The following PKIG variants were observed in gnomAD, a reference collection of about 807,000 sequenced individuals.
The protein encoded by PKIG is protein kinase (cAMP-dependent, catalytic) inhibitor gamma.
A neutral mutation model predicts 6.8 loss-of-function variants in PKIG; 1 was observed. The observed-to-expected ratio is 0.15, with a 90% confidence interval of 0.05 to 0.69. The LOEUF (loss-of-function observed/expected upper bound fraction) is 0.69, where lower values mean the gene tolerates loss of function less well. PKIG is among the 30% of genes least tolerant of loss of function. The probability of loss-of-function intolerance (pLI) is 0.82; values close to 1 mark genes in which losing one functional copy is unlikely to be tolerated. For missense variants in PKIG, 77 were observed against 104.0 expected, an observed-to-expected ratio of 0.74 and a Z score of 1.13; for synonymous variants, 39 against 43.0, an observed-to-expected ratio of 0.91 and a Z score of 0.36.
intron 2 of PKIG, among the ~76,000 whole-genome samples, chr20:44,594,650 A>G (rs2065060653): frequency 6.6e-6 from 1 of 152,176 alleles, no homozygotes; most frequent in Middle Eastern, 3.2e-3. Flanking sequence ...GCTTAAGCTT[A>G]CTTGCCTCCC....
At chr20:44,541,124 C>T (rs1231995402) in intron 1 of PKIG, among the ~76,000 whole-genome samples, 3 of 152,152 alleles carry the variant, frequency 2.0e-5, no homozygotes, top group East Asian at 1.9e-4. Flanking sequence ...GCAAGAGTAG[C>T]CCTCATTTTA....
At chr20:44,589,425 A>C (rs1459367294) in intron 1 of PKIG, among the ~76,000 whole-genome samples, 1 of 151,994 alleles carries the variant, frequency 6.6e-6, no homozygotes, top group Admixed American at 6.6e-5. Context: ...ACAATCAAGC[A>C]TGTACTTTTT....
intron 1 of PKIG, among the ~76,000 whole-genome samples, chr20:44,565,520 A>AGAGT (rs2064803087): frequency 6.6e-6 from 1 of 152,246 alleles, no homozygotes; most frequent in Non-Finnish European, 1.5e-5. Flanking sequence ...CTTCTAGAGA[A>AGAGT]AACACCACTG....
chr20:44,611,518 A>C (rs244083), intron 2 of PKIG, among the ~76,000 whole-genome samples: 33,179 of 146,852 alleles, frequency 0.23, 4,436 homozygotes, highest in African/African-American at 0.37. Context: ...CTTCTATATC[A>C]ACTTTTTTTT....
intron 1 of PKIG, among the ~76,000 whole-genome samples, chr20:44,545,550 G>A (rs942394271): frequency 6.6e-6 from 1 of 152,100 alleles, no homozygotes; most frequent in Admixed American, 6.6e-5. Flanking sequence ...CTGACAGATA[G>A]GGTAACTCTC....
Position 44,614,459 on chromosome 20 carries a change from C to G in PKIG, c.-23-75C>G. 9.3e-7 allele frequency: 1 copy of G among 1,071,000 alleles called. No individual in the cohort carries two copies. The highest frequency in any genetic ancestry group is 1.4e-6 in the Non-Finnish European group (1 of 723,010). 66.3% of individuals were successfully genotyped at this position (1,071,000 alleles called of 1,614,324 possible). On this transcript the variant is annotated intron_variant, in intron 2 of 3. Coordinates refer to ENST00000372886, the MANE Select transcript of PKIG (RefSeq NM_001281445.2). This position sits in a 1 kb window ranked among gnomAD's most constrained non-coding sequence, Gnocchi z 4.6. ...TGTCATTTTGACAGAAGCCACTGTG[C>G]TGGGGAACTGGAGCTGTCCTCTCTG...
At chr20:44,588,507 G>A (rs892348670) in intron 1 of PKIG, among the ~76,000 whole-genome samples, 18 of 152,180 alleles carry the variant, frequency 1.2e-4, no homozygotes, top group African/African-American at 3.9e-4. Flanking sequence ...AGCCGGGCGC[G>A]GTGGCACGCA....
At position 44,584,549 on chromosome 20, in the gene PKIG, G is replaced by A. The variant is rs568099684; in HGVS notation, c.-94+1818G>A. 2.6e-5 allele frequency among the ~76,000 whole-genome samples: 4 copies of A among 151,316 alleles called. No homozygotes were observed. The South Asian group carries it at 8.4e-4, about 32-fold the overall frequency. ...TTGAATTTTGAGTTTCCAAGGTGCCGGGTCTTGACAAATTAAGGTTTTTGC... is the reference window on the plus strand; with the variant it reads ...TTGAATTTTGAGTTTCCAAGGTGCCAGGTCTTGACAAATTAAGGTTTTTGC... On this transcript the variant is annotated intron_variant, in intron 1 of 3. Coordinates refer to ENST00000372886, the MANE Select transcript of PKIG (RefSeq NM_001281445.2).
At chr20:44,564,400 T>C (rs1440439523) in intron 1 of PKIG, 2 of 152,334 alleles carry the variant, frequency 1.3e-5, no homozygotes, top group Non-Finnish European at 2.9e-5. Flanking sequence ...TTCCTAAGAC[T>C]TTCTGCTACC....
At chr20:44,543,814 G>C (rs2064584818) in intron 1 of PKIG, among the ~76,000 whole-genome samples, 1 of 152,150 alleles carries the variant, frequency 6.6e-6, no homozygotes, top group South Asian at 2.1e-4. Flanking sequence ...TGTAATCCCA[G>C]CACTGTGGGA....
At chr20:44,601,912 G>A (rs2065124385) in intron 2 of PKIG, among the ~76,000 whole-genome samples, 1 of 152,208 alleles carries the variant, frequency 6.6e-6, no homozygotes, top group Non-Finnish European at 1.5e-5. Context: ...AGAGCCTGGG[G>A]CCTCTTCAGT....
At chr20:44,574,226 C>T (rs932246755) in intron 1 of PKIG, among the ~76,000 whole-genome samples, 2 of 152,082 alleles carry the variant, frequency 1.3e-5, no homozygotes, top group African/African-American at 4.8e-5. Flanking sequence ...GTTCCCTGCC[C>T]CCACCCTTTC....
chr20:44,597,549 G>A (rs943652373), intron 2 of PKIG, among the ~76,000 whole-genome samples: 17 of 152,164 alleles, frequency 1.1e-4, no homozygotes, highest in African/African-American at 4.1e-4. Flanking sequence ...TCTCCACGGT[G>A]TATTTTGGAG....
At chr20:44,539,874 TG>T (rs1304348440) in intron 1 of PKIG, among the ~76,000 whole-genome samples, 2 of 152,222 alleles carry the variant, frequency 1.3e-5, no homozygotes, top group African/African-American at 4.8e-5. Flanking sequence ...TTTCCCCCTT[TG>T]CCATTTATTT....
chr20:44,593,369 A>G lies in PKIG; in HGVS notation c.-24+3503A>G, dbSNP rs1317829377. Among the ~76,000 whole-genome samples the G allele has an allele frequency of 6.1e-4, 16 of 26,076 alleles. 1 individual carries two copies. Among genetic ancestry groups the G allele is most frequent in the Non-Finnish European group, 1.4e-3 (16 of 11,396 alleles). The allele number at this position is 26,076 out of a possible 152,430, so 17.1% of individuals were successfully genotyped here. The stretch of plus-strand genomic sequence containing the variant: ...ATTATAATGCTATAATAATCAACAC[A>G]CACACACACACACACACACACACAC... On this transcript the variant is annotated intron_variant, in intron 2 of 3. Transcript: ENST00000372886.
chr20:44,536,691 G>A (rs1388612587), intron 1 of PKIG, among the ~76,000 whole-genome samples: 1 of 152,184 alleles, frequency 6.6e-6, no homozygotes, highest in Non-Finnish European at 1.5e-5. Context: ...CCATTGAAAG[G>A]AAGTGAAATG....
intron 1 of PKIG, among the ~76,000 whole-genome samples, chr20:44,537,898 T>C (rs2064527308): frequency 6.6e-6 from 1 of 151,798 alleles, no homozygotes; most frequent in African/African-American, 2.4e-5. Context: ...CCTGTAAATA[T>C]ACTTTCTGAC....
chr20:44,575,648 A>G (rs2123311460), intron 1 of PKIG, among the ~76,000 whole-genome samples: 1 of 152,346 alleles, frequency 6.6e-6, no homozygotes, highest in South Asian at 2.1e-4. Flanking sequence ...GAGCAGGAGC[A>G]GCAGTTAGAC....
rs371116661 is a variant in PKIG, at chr20:44,614,614, C to T, written c.58C>T (p.Arg20Trp). 6.2e-7 allele frequency: 1 copy of T among 1,614,082 alleles called. No homozygotes were observed. Among genetic ancestry groups the T allele is most frequent in the Non-Finnish European group, 8.5e-7 (1 of 1,179,992 alleles). Residue 20 changes from arginine (R) to tryptophan (W), a missense_variant, in exon 3 of 4, where the codon CGG (arginine) becomes TGG (tryptophan). Coordinates refer to ENST00000372886, the MANE Select transcript of PKIG (RefSeq NM_001281445.2). The surrounding 1 kb of genome is among the most constrained non-coding windows in gnomAD (Gnocchi z 4.6). ...CATCTCCTGTGACCGGACAGGCCGT[C>T]GGAATGCGGTCCCTGACATCCAGGG... ...DFISCDRTGRRNAVPDIQGDS... is the reference protein window; with the variant it reads ...DFISCDRTGRWNAVPDIQGDS...
Sources: gnomAD v4.1 joint callset for allele counts (sites outside exome capture counted in the v4.1 genomes callset) on GRCh38, gnomAD v4.1.1 for gene constraint, Gnocchi (gnomAD v3.1) non-coding constraint, MANE v1.5 for transcripts, NCBI Gene and HGNC (gene_info 2026-07-23, HGNC 2026-07-21) for gene names.